The following KLHDC10 variants were observed in gnomAD, a reference collection of about 807,000 sequenced individuals.
KLHDC10 encodes the protein kelch domain containing 10.
Under a neutral mutation model 56.1 loss-of-function variants are expected in KLHDC10, and 24 were observed. That is an observed-to-expected ratio of 0.43 (90% CI 0.31 to 0.60). The LOEUF is 0.60. Among genes scored for constraint, KLHDC10 ranks in the 20% least tolerant of loss-of-function variants. The probability of loss-of-function intolerance (pLI) is 0.11; values close to 1 mark genes in which losing one functional copy is unlikely to be tolerated. For synonymous variants in KLHDC10, 188 were observed against 207.1 expected (o/e 0.91, Z 0.79); for missense variants, 349 against 567.0 (o/e 0.62, Z 3.91).
chr7:130,111,391 G>A (rs1796098076), intron 2 of KLHDC10, among the ~76,000 whole-genome samples: 1 of 152,118 alleles, frequency 6.6e-6, no homozygotes, highest in Admixed American at 6.6e-5. Flanking sequence ...GGAGCAGGCT[G>A]GAAGAAATAC....
At chr7:130,129,383 C>T (rs1306937071) in intron 8 of KLHDC10, 54 bp from the exon 9 acceptor site, 34 of 1,605,116 alleles carry the variant, frequency 2.1e-5, no homozygotes, top group Non-Finnish European at 2.9e-5. Flanking sequence ...TAAAACACTC[C>T]ATAGCTTTGG....
At chr7:130,075,771 T>C (rs1795489550) in intron 1 of KLHDC10, among the ~76,000 whole-genome samples, 1 of 152,226 alleles carries the variant, frequency 6.6e-6, no homozygotes, top group South Asian at 2.1e-4. Flanking sequence ...TTCCCTGTTG[T>C]TGTTCGAGTG....
In KLHDC10 at chr7:130,120,591, A is replaced by T. The variant is rs954251481; in HGVS notation, c.476-158A>T. ...TTTGAATTAGACTTCAGATTTTCAG[A>T]TTTGGCACGCTCAGCTACTAGTTAG... On this transcript the variant is annotated intron_variant, in intron 3 of 9. Coordinates refer to ENST00000335420, the MANE Select transcript of KLHDC10 (RefSeq NM_014997.4). This position sits in a 1 kb window ranked among gnomAD's most constrained non-coding sequence, Gnocchi z 5.1. Among the ~76,000 whole-genome samples, 1 of 152,144 alleles carries T rather than the reference A, an allele frequency of 6.6e-6. No individual in the cohort carries two copies. The highest frequency in any genetic ancestry group is 2.4e-5 in the African/African-American group (1 of 41,424).
At chr7:130,076,562 T>C (rs1217411022) in intron 1 of KLHDC10, among the ~76,000 whole-genome samples, 2 of 152,232 alleles carry the variant, frequency 1.3e-5, no homozygotes, top group Non-Finnish European at 2.9e-5. Flanking sequence ...TTAAATATTC[T>C]TGTGTTTTCT....
intron 1 of KLHDC10, among the ~76,000 whole-genome samples, chr7:130,092,044 G>A (rs1563099278): frequency 6.6e-6 from 1 of 152,168 alleles, no homozygotes; most frequent in Admixed American, 6.5e-5. Flanking sequence ...CCACTGAATA[G>A]TCTTGTCACC....
intron 3 of KLHDC10, among the ~76,000 whole-genome samples, chr7:130,117,919 C>A (rs1796191409): frequency 6.8e-6 from 1 of 148,106 alleles, no homozygotes; most frequent in African/African-American, 2.5e-5. Flanking sequence ...AATCCCAGCA[C>A]TTTGGGAGGC....
In KLHDC10 at chr7:130,120,308, G is replaced by A. The variant is rs1449032630; in HGVS notation, c.476-441G>A. 1.3e-5 allele frequency among the ~76,000 whole-genome samples: 2 copies of A among 152,120 alleles called. No individual in the cohort carries two copies. Among genetic ancestry groups the A allele is most frequent in the East Asian group, 3.8e-4 (2 of 5,204 alleles). The stretch of plus-strand genomic sequence containing the variant: ...AATTCCATAAATATGTATTGAATAC[G>A]TCATATATGCCTAGCAATGAACTAT... On this transcript the variant is annotated intron_variant, in intron 3 of 9. Coordinates refer to ENST00000335420, the MANE Select transcript of KLHDC10 (RefSeq NM_014997.4). This position sits in a 1 kb window ranked among gnomAD's most constrained non-coding sequence, Gnocchi z 5.1.
chr7:130,116,731 C>T lies in KLHDC10; in HGVS notation c.475+65C>T. ...GTCTGAGAAGCCAGGTTCAATGTCCCATATTCCTCATTAATAATTTATAAC... is the reference window on the plus strand; with the variant it reads ...GTCTGAGAAGCCAGGTTCAATGTCCTATATTCCTCATTAATAATTTATAAC... On this transcript the variant is annotated intron_variant, in intron 3 of 9. Transcript: ENST00000335420. The surrounding 1 kb of genome is among the most constrained non-coding windows in gnomAD (Gnocchi z 4.8). The T allele has an allele frequency of 8.1e-7, 1 of 1,240,530 alleles. No individual in the cohort carries two copies. Among genetic ancestry groups the T allele is most frequent in the Middle Eastern group, 2.5e-4 (1 of 3,940 alleles). The allele number at this position is 1,240,530 out of a possible 1,614,324, so 76.8% of individuals were successfully genotyped here. A position where few individuals can be genotyped will look rare whatever the true frequency, so the allele number is the denominator to read the frequency against.
intron 1 of KLHDC10, among the ~76,000 whole-genome samples, 199 bp from the exon 2 acceptor site, chr7:130,096,722 T>A (rs1795854209): frequency 6.6e-6 from 1 of 152,134 alleles, no homozygotes; most frequent in African/African-American, 2.4e-5. Context: ...GGGGTAAGAG[T>A]TGAAAACCTT....
At position 130,073,046 on chromosome 7, in the gene KLHDC10, T is replaced by C. The variant is rs138790634; in HGVS notation, c.166+2237T>C. Among the ~76,000 whole-genome samples the C allele has an allele frequency of 5.9e-3, 865 of 146,392 alleles. 20 individuals are homozygous for C. In the East Asian group the frequency reaches 0.073, roughly 12 times the overall value. ...GCTGGGATTACAGGCGTGAGCCACC[T>C]CGCCCAGCCAAATTTTTTATTTTTT... On this transcript the variant is annotated intron_variant, in intron 1 of 9. Coordinates refer to ENST00000335420, the MANE Select transcript of KLHDC10 (RefSeq NM_014997.4).
chr7:130,131,609 T>TG lies in KLHDC10; in HGVS notation c.*867dup, dbSNP rs1796402203. 1 of 152,220 alleles carries TG rather than the reference T, an allele frequency of 6.6e-6. No individual in the cohort carries two copies. The highest frequency in any genetic ancestry group is 2.1e-4 in the South Asian group (1 of 4,832). 9.4% of individuals were successfully genotyped at this position (152,220 alleles called of 1,614,324 possible). On this transcript the variant is annotated 3_prime_UTR_variant, in exon 10 of 10. Coordinates refer to ENST00000335420, the MANE Select transcript of KLHDC10 (RefSeq NM_014997.4). ...TTTAAATATCTCTTTGACTTCTTCA[T>TG]GGGGAATTGTAGACCCTAAGTATGT...
intron 3 of KLHDC10, among the ~76,000 whole-genome samples, chr7:130,119,537 T>TAAAAAAAAA (rs11317882): frequency 1.0e-5 from 1 of 100,388 alleles, no homozygotes; most frequent in African/African-American, 3.9e-5. Flanking sequence ...AAAAAAGAGT[T>TAAAAAAAAA]AAAAAAAAAA....
intron 1 of KLHDC10, among the ~76,000 whole-genome samples, chr7:130,091,839 C>A (rs980697417): frequency 6.6e-6 from 1 of 152,014 alleles, no homozygotes. Flanking sequence ...TTTAAAAAAA[C>A]AATCCAATTA....
chr7:130,103,112 T>C (rs1365072388), intron 2 of KLHDC10, among the ~76,000 whole-genome samples: 2 of 151,816 alleles, frequency 1.3e-5, no homozygotes, highest in African/African-American at 2.4e-5. Flanking sequence ...GATCAGACAA[T>C]GGAAGGGAGA....
At chr7:130,107,843 CAAAAAAA>C (rs3043725) in intron 2 of KLHDC10, among the ~76,000 whole-genome samples, 2,482 of 26,042 alleles carry the variant, frequency 0.095, 53 homozygotes, top group Admixed American at 0.13. Flanking sequence ...GACTCCGTCT[CAAAAAAA>C]AAAAAAAAAA....
At chr7:130,072,320 C>T (rs1281623870) in intron 1 of KLHDC10, among the ~76,000 whole-genome samples, 1 of 152,198 alleles carries the variant, frequency 6.6e-6, no homozygotes, top group Admixed American at 6.5e-5. Flanking sequence ...TGCACTTCCT[C>T]ACTTCAACCA....
chr7:130,125,034 C>A (rs1796296639), intron 6 of KLHDC10, among the ~76,000 whole-genome samples: 1 of 152,168 alleles, frequency 6.6e-6, no homozygotes, highest in South Asian at 2.1e-4. Context: ...CTGTAGAGCT[C>A]CTGGACTGCT....
At chr7:130,080,134 G>A (rs1387543378) in intron 1 of KLHDC10, among the ~76,000 whole-genome samples, 3 of 151,968 alleles carry the variant, frequency 2.0e-5, no homozygotes, top group Non-Finnish European at 4.4e-5. Context: ...TAGAGATAAG[G>A]CCTTGCTATG....
chr7:130,103,243 G>C lies in KLHDC10; in HGVS notation c.253+6236G>C, dbSNP rs182861680. On this transcript the variant is annotated intron_variant, in intron 2 of 9. Coordinates refer to ENST00000335420, the MANE Select transcript of KLHDC10 (RefSeq NM_014997.4). ...TTTCAAGACCAGCCTGGCCAATATG[G>C]TGAAACCCTGTCTCTGCTAAAAATA... Among the ~76,000 whole-genome samples the C allele has an allele frequency of 5.8e-4, 88 of 152,172 alleles. 2 individuals carry two copies. The East Asian group carries it at 0.016, about 27-fold the overall frequency.
Sources: gnomAD v4.1 joint callset for allele counts (sites outside exome capture counted in the v4.1 genomes callset) on GRCh38, gnomAD v4.1.1 for gene constraint, Gnocchi (gnomAD v3.1) non-coding constraint, MANE v1.5 for transcripts, NCBI Gene and HGNC (gene_info 2026-07-23, HGNC 2026-07-21) for gene names.